The following XPR1 variants were observed in gnomAD, a reference collection of about 807,000 sequenced individuals.
XPR1 encodes xenotropic and polytropic retrovirus receptor 1.
Under a neutral mutation model 87.5 loss-of-function variants are expected in XPR1, and 28 were observed. That is an observed-to-expected ratio of 0.32 (90% CI 0.24 to 0.44). XPR1 has a LOEUF of 0.44. Ranked by LOEUF, XPR1 falls within the 20% of genes least tolerant of loss-of-function variation. The pLI, the probability that XPR1 is intolerant of heterozygous loss-of-function variation, is 1.00. For missense variants in XPR1, 559 were observed against 862.3 expected (o/e 0.65, Z 4.41); for synonymous variants, 300 against 306.1 (o/e 0.98, Z 0.21).
chr1:180,842,347 G>C (rs548572930), intron 11 of XPR1, among the ~76,000 whole-genome samples: 2 of 152,284 alleles, frequency 1.3e-5, no homozygotes, highest in South Asian at 4.1e-4. Context: ...AGAGTAAACC[G>C]TGTGTCTAGA....
chr1:180,864,527 A>G (rs1366100471), intron 12 of XPR1, among the ~76,000 whole-genome samples: 1 of 152,146 alleles, frequency 6.6e-6, no homozygotes, highest in Non-Finnish European at 1.5e-5. Context: ...GACAAAGGAG[A>G]AGGAGTGGCT....
intron 2 of XPR1, among the ~76,000 whole-genome samples, chr1:180,749,061 C>G (rs752303814): frequency 6.6e-6 from 1 of 152,128 alleles, no homozygotes; most frequent in East Asian, 1.9e-4. Context: ...ATTAGCCAGG[C>G]GTGGAGACGC....
intron 1 of XPR1, among the ~76,000 whole-genome samples, chr1:180,632,708 A>G (rs1016273301): frequency 6.6e-6 from 1 of 152,114 alleles, no homozygotes; most frequent in Non-Finnish European, 1.5e-5. Flanking sequence ...TTCTCTCTCT[A>G]CACCTCTCAC....
At chr1:180,686,202 G>A (rs1656771053) in intron 2 of XPR1, among the ~76,000 whole-genome samples, 1 of 152,092 alleles carries the variant, frequency 6.6e-6, no homozygotes, top group Admixed American at 6.5e-5. Context: ...GTTCTCGCTG[G>A]TTTCAAAGAA....
chr1:180,823,970 T>C (rs547973100), intron 7 of XPR1, among the ~76,000 whole-genome samples: 192 of 152,342 alleles, frequency 1.3e-3, no homozygotes, highest in African/African-American at 4.4e-3. Flanking sequence ...TATATGACAT[T>C]TAAATTTTCA....
rs1302156887 is a variant in XPR1 at position 180,888,569 on chromosome 1, G to C, written c.*4503G>C. 6.6e-6 allele frequency: 1 copy of C among 151,922 alleles called. No individual in the cohort carries two copies. The highest frequency in any genetic ancestry group is 1.5e-5 in the Non-Finnish European group (1 of 67,986). The allele number at this position is 151,922 out of a possible 1,614,324, so 9.4% of individuals were successfully genotyped here. On this transcript the variant is annotated 3_prime_UTR_variant, in exon 15 of 15. Transcript: ENST00000367590. ...GGTGAAGACAATTGAAGCTTTGGTA[G>C]AACTTCTGCAAAAGTTAGGTAAAGA...
At chr1:180,727,268 G>A (rs1335768255) in intron 2 of XPR1, among the ~76,000 whole-genome samples, 1 of 152,170 alleles carries the variant, frequency 6.6e-6, no homozygotes, top group African/African-American at 2.4e-5. Context: ...TACCAGAAAG[G>A]GGTCCTGATC....
intron 2 of XPR1, among the ~76,000 whole-genome samples, chr1:180,731,704 A>C (rs779960185): frequency 2.6e-5 from 4 of 152,228 alleles, no homozygotes; most frequent in Admixed American, 6.5e-5. Flanking sequence ...TCATTTTAAC[A>C]CATAATCAAT....
At chr1:180,748,104 AC>A (rs1375126508) in intron 2 of XPR1, among the ~76,000 whole-genome samples, 1 of 152,182 alleles carries the variant, frequency 6.6e-6, no homozygotes, top group Non-Finnish European at 1.5e-5. Flanking sequence ...AGCTTGAATC[AC>A]TGTGTTACCA....
chr1:180,831,967 G>A (rs1365508809), intron 9 of XPR1, among the ~76,000 whole-genome samples: 5 of 152,130 alleles, frequency 3.3e-5, no homozygotes, highest in Non-Finnish European at 5.9e-5. Context: ...TTGAGGAATC[G>A]CCACACTGTA....
chr1:180,798,035 G>T (rs1649648406), intron 3 of XPR1, among the ~76,000 whole-genome samples: 1 of 151,706 alleles, frequency 6.6e-6, no homozygotes, highest in African/African-American at 2.4e-5. Context: ...TTAAATAAGA[G>T]ATTTTAAAAT....
intron 11 of XPR1, among the ~76,000 whole-genome samples, chr1:180,839,277 A>G (rs1210034272): frequency 6.6e-6 from 1 of 152,242 alleles, no homozygotes; most frequent in Admixed American, 6.5e-5. Context: ...ATAATTGAAC[A>G]TGAACTGAAT....
intron 11 of XPR1, among the ~76,000 whole-genome samples, chr1:180,852,397 A>G (rs1272750165): frequency 6.6e-6 from 1 of 152,114 alleles, no homozygotes; most frequent in African/African-American, 2.4e-5. Flanking sequence ...CATCACCACA[A>G]GGATCCCCCC....
chr1:180,657,159 A>G (rs1244322512), intron 1 of XPR1, among the ~76,000 whole-genome samples: 2 of 151,958 alleles, frequency 1.3e-5, no homozygotes, highest in Non-Finnish European at 2.9e-5. Context: ...GTCTGTTCAG[A>G]TCTTTGGTCC....
chr1:180,762,879 G>T (rs1648101463), intron 2 of XPR1, among the ~76,000 whole-genome samples: 1 of 143,202 alleles, frequency 7.0e-6, no homozygotes, highest in Non-Finnish European at 1.6e-5. Flanking sequence ...TAAAAAGCTT[G>T]CATCTTTACA....
intron 13 of XPR1, among the ~76,000 whole-genome samples, chr1:180,875,458 A>G (rs982374047): frequency 6.6e-6 from 1 of 151,304 alleles, no homozygotes. Flanking sequence ...GCAGTGAGTC[A>G]AGATCATGCC....
intron 2 of XPR1, among the ~76,000 whole-genome samples, chr1:180,696,406 C>A (rs199549421): frequency 6.6e-6 from 1 of 151,834 alleles, no homozygotes; most frequent in Non-Finnish European, 1.5e-5. Context: ...ATCATGTCAT[C>A]TATAAAGCAG....
intron 3 of XPR1, among the ~76,000 whole-genome samples, chr1:180,799,878 A>G (rs1173954782): frequency 6.6e-6 from 1 of 152,106 alleles, no homozygotes; most frequent in Non-Finnish European, 1.5e-5. Context: ...CACAGAGACC[A>G]CCTAGTTTAC....
chr1:180,746,823 A>G (rs1008710136), intron 2 of XPR1, among the ~76,000 whole-genome samples: 2 of 152,160 alleles, frequency 1.3e-5, no homozygotes, highest in Admixed American at 1.3e-4. Flanking sequence ...CCCCTTGGGT[A>G]ATCTTCATAA....
Sources: allele counts gnomAD v4.1 joint callset (sites outside exome capture counted in the v4.1 genomes callset), GRCh38; gene constraint gnomAD v4.1.1; transcripts MANE v1.5; gene names NCBI Gene and HGNC (gene_info 2026-07-23, HGNC 2026-07-21).